CTDSPL2: variants seen among roughly 807,000 people sequenced by gnomAD.
CTDSPL2 encodes CTD small phosphatase like 2, also known as CTD small phosphatase-like protein 2.
In CTDSPL2, 5 loss-of-function variants were observed where a neutral mutation model predicts 60.0. The observed-to-expected ratio is 0.08, with a 90% CI of 0.04 to 0.18. The LOEUF is 0.18. CTDSPL2 is among the 10% of genes least tolerant of loss of function. The pLI is 1.00. For synonymous variants in CTDSPL2, 186 were observed against 189.3 expected (o/e 0.98, Z 0.14); for missense variants, 370 against 548.8 (o/e 0.67, Z 3.26).
At chr15:44,474,796 C>T (rs1236085380) in intron 2 of CTDSPL2, among the ~76,000 whole-genome samples, 2 of 152,144 alleles carry the variant, frequency 1.3e-5, no homozygotes, top group African/African-American at 2.4e-5. Context: ...GCAGAGGTTG[C>T]AGTGAGCCAA....
Position 44,490,963 on chromosome 15 carries a change from G to A in CTDSPL2, c.655G>A (p.Glu219Lys), listed in dbSNP as rs374115658. ...ACTAAACAATGGTTTAGAAGAAGCAGAAGAAACAGTTAATCGTGATATCCC... is the reference window on the plus strand; with the variant it reads ...ACTAAACAATGGTTTAGAAGAAGCAAAAGAAACAGTTAATCGTGATATCCC... ...PSLNNGLEEA[E>K]ETVNRDIPPL... The change falls in exon 5 of 13, where the codon GAA (glutamate) becomes AAA (lysine). Residue 219 changes from glutamate (E) to lysine (K), a missense_variant. Transcript: ENST00000260327. 1.2e-6 allele frequency: 2 copies of A among 1,614,026 alleles called. No individual in the cohort carries two copies. Among genetic ancestry groups the A allele is most frequent in the African/African-American group, 1.3e-5 (1 of 74,950 alleles).
intron 2 of CTDSPL2, among the ~76,000 whole-genome samples, chr15:44,480,027 C>T (rs1285571195): frequency 6.6e-6 from 1 of 151,980 alleles, no homozygotes; most frequent in East Asian, 1.9e-4. Flanking sequence ...TTTGGAATTT[C>T]TCTGTCTTTT....
At chr15:44,492,349 GAAAA>G (rs2081230807) in intron 5 of CTDSPL2, among the ~76,000 whole-genome samples, 1 of 151,644 alleles carries the variant, frequency 6.6e-6, no homozygotes, top group African/African-American at 2.4e-5. Context: ...AAAGACAAAA[GAAAA>G]AAAGAAACAT....
chr15:44,477,670 C>T (rs1189306640), intron 2 of CTDSPL2, among the ~76,000 whole-genome samples: 2 of 151,808 alleles, frequency 1.3e-5, no homozygotes, highest in Non-Finnish European at 2.9e-5. Context: ...AACCCTGTCT[C>T]TACTAAAAAT....
At chr15:44,428,486 T>G (rs1219968626) in intron 1 of CTDSPL2, among the ~76,000 whole-genome samples, 1 of 152,260 alleles carries the variant, frequency 6.6e-6, no homozygotes, top group Admixed American at 6.5e-5. Context: ...ATTGCATAAG[T>G]AAATCTTGTT....
At chr15:44,438,251 G>A (rs1356434404) in intron 1 of CTDSPL2, among the ~76,000 whole-genome samples, 4 of 146,214 alleles carry the variant, frequency 2.7e-5, no homozygotes, top group South Asian at 2.1e-4. Context: ...GTGACAGAGC[G>A]AGACTCCGTC....
chr15:44,496,296 A>C (rs2081298713), intron 5 of CTDSPL2, 84 bp from the exon 6 acceptor site: 1 of 926,174 alleles, frequency 1.1e-6, no homozygotes, highest in African/African-American at 1.7e-5. Context: ...GGCTTTAGGA[A>C]GATCTTAGAT....
chr15:44,491,532 C>T lies in CTDSPL2; in HGVS notation c.691+533C>T, dbSNP rs181285117. On this transcript the variant is annotated intron_variant, in intron 5 of 12. Transcript: ENST00000260327. ...CCTTGAAATGTGGAAACATATGGAT[C>T]AGGAATTTCATTACCTCTGAGTACT... Among the ~76,000 whole-genome samples, 146 of 152,232 alleles carry T rather than the reference C, an allele frequency of 9.6e-4. 3 individuals carry two copies. The highest frequency in any genetic ancestry group is 1.3e-4 in the Non-Finnish European group (9 of 68,018).
chr15:44,484,194 A>G, intron 2 of CTDSPL2, 30 bp from the exon 3 acceptor site: 1 of 1,570,450 alleles, frequency 6.4e-7, no homozygotes, highest in Non-Finnish European at 8.6e-7. Context: ...GATTGTGCTT[A>G]GTGTGTTTTT....
intron 1 of CTDSPL2, among the ~76,000 whole-genome samples, chr15:44,434,486 T>G (rs2079932732): frequency 6.6e-6 from 1 of 152,198 alleles, no homozygotes; most frequent in East Asian, 1.9e-4. Context: ...CTTCACCTCC[T>G]GGGCTCAAGC....
intron 2 of CTDSPL2, among the ~76,000 whole-genome samples, chr15:44,482,718 C>T (rs1419933273): frequency 6.6e-6 from 1 of 152,134 alleles, no homozygotes; most frequent in Non-Finnish European, 1.5e-5. Flanking sequence ...TCACCATTTA[C>T]AATGCCAAGT....
At chr15:44,428,413 G>A (rs2079791376) in intron 1 of CTDSPL2, among the ~76,000 whole-genome samples, 1 of 152,150 alleles carries the variant, frequency 6.6e-6, no homozygotes, top group African/African-American at 2.4e-5. Flanking sequence ...TGCTTTCTTT[G>A]GATTTTAAAT....
intron 1 of CTDSPL2, among the ~76,000 whole-genome samples, chr15:44,442,460 A>AG (rs1441202903): frequency 6.6e-6 from 1 of 151,904 alleles, no homozygotes; most frequent in Non-Finnish European, 1.5e-5. Flanking sequence ...AAAAAAAAAA[A>AG]AAAGATAGAT....
At chr15:44,461,573 C>CTTTTTTT (rs35540014) in intron 2 of CTDSPL2, among the ~76,000 whole-genome samples, 1 of 125,654 alleles carries the variant, frequency 8.0e-6, no homozygotes, top group Non-Finnish European at 1.7e-5. Flanking sequence ...GTTTCTCTCC[C>CTTTTTTT]TTTTTTTTTT....
chr15:44,512,154 C>T (rs1203402621), intron 8 of CTDSPL2, among the ~76,000 whole-genome samples: 1 of 151,610 alleles, frequency 6.6e-6, no homozygotes, highest in Non-Finnish European at 1.5e-5. Flanking sequence ...CATGTTTGCA[C>T]CACTGCACTC....
intron 8 of CTDSPL2, among the ~76,000 whole-genome samples, chr15:44,511,867 C>CAA (rs68063380): frequency 0.012 from 360 of 30,400 alleles, 13 homozygotes; most frequent in East Asian, 0.037. Flanking sequence ...GACGGTCTCG[C>CAA]AAAAAAAAAA....
chr15:44,523,729 C>T (rs1046665912), intron 12 of CTDSPL2, among the ~76,000 whole-genome samples: 2 of 152,150 alleles, frequency 1.3e-5, no homozygotes, highest in African/African-American at 4.8e-5. Context: ...GAAACCTTGC[C>T]TCTACAAAAA....
chr15:44,465,712 CT>C (rs772862374), intron 2 of CTDSPL2, among the ~76,000 whole-genome samples: 2,093 of 128,008 alleles, frequency 0.016, 27 homozygotes, highest in African/African-American at 0.054. Flanking sequence ...TCCTCCTCCT[CT>C]TTTTTTTTTT....
chr15:44,492,515 C>T (rs1215355606), intron 5 of CTDSPL2, among the ~76,000 whole-genome samples: 1 of 151,916 alleles, frequency 6.6e-6, no homozygotes, highest in Non-Finnish European at 1.5e-5. Context: ...TGGGATATAG[C>T]CCCATCATAA....
Sources: allele counts gnomAD v4.1 joint callset (sites outside exome capture counted in the v4.1 genomes callset), GRCh38; gene constraint gnomAD v4.1.1; transcripts MANE v1.5; gene names NCBI Gene and HGNC (gene_info 2026-07-23, HGNC 2026-07-21).